Variants in RPH3A observed in about 807,000 individuals in gnomAD.
RPH3A encodes rabphilin 3A.
RPH3A carries 48 observed loss-of-function variants against 102.2 expected under a neutral mutation model. That is an observed-to-expected ratio of 0.47 (90% CI 0.37 to 0.60). The LOEUF (loss-of-function observed/expected upper bound fraction) is 0.60, where lower values mean the gene tolerates loss of function less well. Among genes scored for constraint, RPH3A ranks in the 20% least tolerant of loss-of-function variants. The probability of loss-of-function intolerance (pLI) is 0.00; values close to 1 mark genes in which losing one functional copy is unlikely to be tolerated. For missense variants in RPH3A, 781 were observed against 910.1 expected, an observed-to-expected ratio of 0.86 and a Z score of 1.83; for synonymous variants, 310 against 324.3, an observed-to-expected ratio of 0.96 and a Z score of 0.47.
intron 1 of RPH3A, among the ~76,000 whole-genome samples, chr12:112,595,515 C>A (rs1000240329): frequency 1.3e-5 from 2 of 152,192 alleles, no homozygotes; most frequent in Non-Finnish European, 2.9e-5. Context: ...CCTCCTTCCC[C>A]TTTTGCCTCA....
At position 112,708,338 on chromosome 12, in the gene RPH3A, C is replaced by T. The variant is rs1716478297; in HGVS notation, c.-139-83805C>T. On this transcript the variant is annotated intron_variant, in intron 1 of 21. Coordinates refer to the RPH3A transcript ENST00000543106. ...CAGGACCAGGAGGGGAAAAGGGGCA[C>T]ATAACCTCTTTGGGCTGTCCAGGCG... 2.0e-5 allele frequency among the ~76,000 whole-genome samples: 3 copies of T among 152,246 alleles called. No homozygotes were observed. In the South Asian group the frequency reaches 6.2e-4, roughly 32 times the overall value.
intron 5 of RPH3A, among the ~76,000 whole-genome samples, chr12:112,848,930 C>T (rs780039211): frequency 1.3e-5 from 2 of 152,070 alleles, no homozygotes; most frequent in Non-Finnish European, 2.9e-5. Context: ...TACAGAGAGG[C>T]CACTGGAGTG....
intron 1 of RPH3A, among the ~76,000 whole-genome samples, chr12:112,610,407 G>A (rs1393776599): frequency 2.6e-5 from 4 of 151,436 alleles, no homozygotes; most frequent in Non-Finnish European, 5.9e-5. Context: ...GGAGGCTGGG[G>A]CAGGAGAATC....
At chr12:112,653,729 C>T (rs1219504656) in intron 1 of RPH3A, among the ~76,000 whole-genome samples, 1 of 152,080 alleles carries the variant, frequency 6.6e-6, no homozygotes, top group African/African-American at 2.4e-5. Flanking sequence ...GGTATTAAGC[C>T]TAGTGCCCAA....
chr12:112,836,249 GTTAA>G (rs2042048754), intron 3 of RPH3A, among the ~76,000 whole-genome samples: 1 of 152,210 alleles, frequency 6.6e-6, no homozygotes, highest in Admixed American at 6.5e-5. Context: ...AATCAGCTCA[GTTAA>G]TTAATAAGCC....
At chr12:112,590,665 A>G (rs1017203813) in intron 1 of RPH3A, among the ~76,000 whole-genome samples, 6 of 152,234 alleles carry the variant, frequency 3.9e-5, no homozygotes, top group African/African-American at 4.8e-5. Context: ...TGTTCAACCT[A>G]AAGTGTGTTT....
intron 2 of RPH3A, among the ~76,000 whole-genome samples, chr12:112,797,406 T>G (rs972485602): frequency 1.3e-5 from 2 of 151,962 alleles, no homozygotes; most frequent in African/African-American, 4.8e-5. Flanking sequence ...CAGAGAAAGG[T>G]GGATGTTGCT....
intron 1 of RPH3A, among the ~76,000 whole-genome samples, chr12:112,628,475 A>T (rs2039781145): frequency 6.8e-6 from 1 of 147,132 alleles, no homozygotes; most frequent in African/African-American, 2.5e-5. Flanking sequence ...CATGCCTATA[A>T]TCACAGCACT....
chr12:112,880,488 C>T (rs1471039842), intron 14 of RPH3A, among the ~76,000 whole-genome samples: 3 of 152,182 alleles, frequency 2.0e-5, no homozygotes, highest in East Asian at 1.9e-4. Flanking sequence ...AAAGTCTGAG[C>T]TCACACAGCT....
At chr12:112,590,375 A>C (rs2039468949) in intron 1 of RPH3A, among the ~76,000 whole-genome samples, 1 of 152,078 alleles carries the variant, frequency 6.6e-6, no homozygotes, top group Non-Finnish European at 1.5e-5. Flanking sequence ...CGACTCAATC[A>C]CCTTTCACCC....
intron 1 of RPH3A, among the ~76,000 whole-genome samples, chr12:112,621,800 A>G (rs983264263): frequency 6.6e-5 from 10 of 151,868 alleles, no homozygotes; most frequent in African/African-American, 1.4e-4. Context: ...GCAGACTTAA[A>G]TGTCCCTGTC....
intron 1 of RPH3A, among the ~76,000 whole-genome samples, chr12:112,674,132 A>G (rs2040155235): frequency 6.6e-6 from 1 of 152,102 alleles, no homozygotes; most frequent in Non-Finnish European, 1.5e-5. Flanking sequence ...ATCATAGCTC[A>G]CTGTAGCCTC....
intron 5 of RPH3A, among the ~76,000 whole-genome samples, chr12:112,848,932 A>T (rs1220019419): frequency 6.6e-6 from 1 of 152,126 alleles, no homozygotes; most frequent in Non-Finnish European, 1.5e-5. Flanking sequence ...CAGAGAGGCC[A>T]CTGGAGTGGT....
chr12:112,713,083 T>TTTTATTTTTTTGTAGAGAAAGGG (rs2040490126), intron 1 of RPH3A, among the ~76,000 whole-genome samples: 1 of 139,846 alleles, frequency 7.2e-6, no homozygotes, highest in African/African-American at 2.7e-5. Context: ...CTTCTTCTTC[T>TTTTATTTTTTTGTAGAGAAAGGG]TCTTCTTCTT....
At chr12:112,583,774 C>T (rs962509560) in intron 1 of RPH3A, among the ~76,000 whole-genome samples, 1 of 152,104 alleles carries the variant, frequency 6.6e-6, no homozygotes, top group African/African-American at 2.4e-5. Context: ...CACTTGAGGT[C>T]AGGAGTTCGA....
chr12:112,875,100 C>T lies in RPH3A; in HGVS notation c.813C>T (p.Asn271=). The T allele has an allele frequency of 6.2e-7, 1 of 1,609,518 alleles. No homozygotes were observed. Among genetic ancestry groups the T allele is most frequent in the East Asian group, 2.2e-5 (1 of 44,772 alleles). The change falls in exon 11 of 22, where the codon AAC becomes AAT. Residue 271 remains asparagine, a synonymous_variant. Coordinates refer to ENST00000389385, the MANE Select transcript of RPH3A (RefSeq NM_001143854.2). ...CCTCTGCAGGTTTGAGACGGGCCAA[C>T]TCAGTCCAGGCCTCCAGACCTGCCC... is the stretch of plus-strand genomic sequence containing the variant. ...SRSPAGLRRA[N]SVQASRPAPG...
chr12:112,678,500 G>A (rs756739733), intron 1 of RPH3A, among the ~76,000 whole-genome samples: 1 of 152,030 alleles, frequency 6.6e-6, no homozygotes, highest in Non-Finnish European at 1.5e-5. Context: ...CAGAGGTAAC[G>A]AAACAAATGC....
intron 1 of RPH3A, among the ~76,000 whole-genome samples, chr12:112,723,364 C>A (rs1463648737): frequency 1.3e-5 from 2 of 151,982 alleles, no homozygotes; most frequent in Non-Finnish European, 2.9e-5. Flanking sequence ...ATTAAGAAAA[C>A]CATAAGGAAG....
Position 112,686,082 on chromosome 12 carries a change from C to A in RPH3A, c.-139-106061C>A, listed in dbSNP as rs76983743. ...TCGTTCTCCAGGACTATGTCTTATTCCTTAATATCTCTGCTGTCATGGATC... is the reference window on the plus strand; with the variant it reads ...TCGTTCTCCAGGACTATGTCTTATTACTTAATATCTCTGCTGTCATGGATC... On this transcript the variant is annotated intron_variant, in intron 1 of 21. Transcript: ENST00000543106. Among the ~76,000 whole-genome samples the A allele has an allele frequency of 2.5e-3, 383 of 152,252 alleles. 4 individuals are homozygous for A. Among genetic ancestry groups the A allele is most frequent in the African/African-American group, 8.9e-3 (369 of 41,544 alleles).
Sources: gnomAD v4.1 joint callset for allele counts (sites outside exome capture counted in the v4.1 genomes callset) on GRCh38, gnomAD v4.1.1 for gene constraint, MANE v1.5 for transcripts, NCBI Gene and HGNC (gene_info 2026-07-23, HGNC 2026-07-21) for gene names.